The following ENDOV variants were observed in gnomAD, a reference collection of about 807,000 sequenced individuals.
ENDOV encodes the protein endonuclease V, also known as hEndoV.
ENDOV carries 37 observed loss-of-function variants against 39.4 expected under a neutral mutation model. The observed-to-expected ratio is 0.94, with a 90% CI of 0.72 to 1.23. The LOEUF (loss-of-function observed/expected upper bound fraction) is 1.23. Ranked by LOEUF, ENDOV falls within the 50% of genes most tolerant of loss-of-function variation. The pLI, the probability that ENDOV is intolerant of heterozygous loss-of-function variation, is 0.00. For synonymous variants in ENDOV, 186 were observed against 163.4 expected, an observed-to-expected ratio of 1.14 and a Z score of -1.05; for missense variants, 441 against 375.7, an observed-to-expected ratio of 1.17 and a Z score of -1.44.
chr17:80,423,577 C>T lies in ENDOV; in HGVS notation c.461C>T (p.Ala154Val). Residue 154 changes from alanine (A) to valine (V), a missense_variant, in exon 5 of 10, where the codon GCC (alanine) becomes GTC (valine). Ala to Val is a moderately conservative substitution (Grantham distance 64). Coordinates refer to ENST00000518137, the MANE Select transcript of ENDOV (RefSeq NM_173627.5). ...VLTDLPCVGV[A>V]KKLLQVDGLE... Reference sequence around the variant, plus strand: ...ACAGACCTGCCGTGTGTTGGGGTGGCCAAGAAACTTCTGCAGGTGGATGGG... The same window carrying T: ...ACAGACCTGCCGTGTGTTGGGGTGGTCAAGAAACTTCTGCAGGTGGATGGG... The T allele has an allele frequency of 6.5e-7, 1 of 1,534,900 alleles. No individual in the cohort carries two copies. The highest frequency in any genetic ancestry group is 1.4e-5 in the African/African-American group (1 of 72,644).
intron 9 of ENDOV, 103 bp from the exon 10 acceptor site, chr17:80,436,030 C>A: frequency 3.8e-6 from 5 of 1,321,072 alleles, no homozygotes; most frequent in Admixed American, 1.9e-5. Context: ...GCTGAGATTA[C>A]AGGCGCGAGC....
chr17:80,421,642 A>G (rs989436004), intron 2 of ENDOV, among the ~76,000 whole-genome samples, 186 bp from the exon 3 acceptor site: 1 of 152,008 alleles, frequency 6.6e-6, no homozygotes, highest in Admixed American at 6.5e-5. Flanking sequence ...CCCACCACCA[A>G]TTTGCAGGGT....
rs41298676 is a variant in ENDOV, at chr17:80,419,815, A to G, written c.229-2013A>G. ...CAGGAACTTGGATGTGGTCTACCCAAGTCCCTAGACCTAACTGTCACCCAC... is the reference window on the plus strand; with the variant it reads ...CAGGAACTTGGATGTGGTCTACCCAGGTCCCTAGACCTAACTGTCACCCAC... On this transcript the variant is annotated intron_variant, in intron 2 of 9. Coordinates refer to ENST00000518137, the MANE Select transcript of ENDOV (RefSeq NM_173627.5). 11,955 of 640,908 alleles carry G rather than the reference A, an allele frequency of 0.019. 999 individuals carry two copies. In the African/African-American group the frequency reaches 0.19, roughly 10 times the overall value. 39.7% of individuals were successfully genotyped at this position (640,908 alleles called of 1,614,324 possible). A position where few individuals can be genotyped will look rare whatever the true frequency, so the allele number is the denominator to read the frequency against.
intron 4 of ENDOV, 28 bp from the exon 5 acceptor site, chr17:80,423,492 C>CA: frequency 8.5e-6 from 13 of 1,522,884 alleles, no homozygotes; most frequent in Non-Finnish European, 9.8e-6. Flanking sequence ...CCCACCTCCC[C>CA]AACCCCACCC....
intron 5 of ENDOV, chr17:80,424,111 T>G: frequency 2.5e-6 from 1 of 394,458 alleles, no homozygotes. Flanking sequence ...ATCTTCCTCC[T>G]CTGGGACCCC....
chr17:80,423,911 T>G, intron 5 of ENDOV: 1 of 474,416 alleles, frequency 2.1e-6, no homozygotes, highest in Non-Finnish European at 3.7e-6. Flanking sequence ...TAGGGCTAAG[T>G]CCTCCAGTTA....
intron 8 of ENDOV, among the ~76,000 whole-genome samples, chr17:80,429,460 A>G (rs2083138646): frequency 6.6e-6 from 1 of 152,126 alleles, no homozygotes; most frequent in Non-Finnish European, 1.5e-5. Context: ...ACGATTAGTT[A>G]CTGAAGGGCT....
At chr17:80,419,277 G>T in intron 2 of ENDOV, 1 of 345,440 alleles carries the variant, frequency 2.9e-6, no homozygotes, top group Non-Finnish European at 5.3e-6. Context: ...AAGCTTTCCT[G>T]TGATTCTGAA....
At chr17:80,427,248 G>A (rs62068441) in intron 7 of ENDOV, among the ~76,000 whole-genome samples, 9,720 of 152,262 alleles carry the variant, frequency 0.064, 426 homozygotes, top group Non-Finnish European at 0.1. Flanking sequence ...CAACTCAGCC[G>A]TGTGGTCTTC....
chr17:80,427,897 A>G (rs536743654), intron 7 of ENDOV: 1 of 1,224,814 alleles, frequency 8.2e-7, no homozygotes, highest in African/African-American at 1.6e-5. Flanking sequence ...TCCCCCATGA[A>G]TGGAAGCAGG....
chr17:80,415,804 A>G lies in ENDOV; in HGVS notation c.211A>G (p.Ser71Gly). The stretch of plus-strand genomic sequence containing the variant: ...CGCTTGTGCTTCCCTGGTGGTGCTC[A>G]GCTTCCCTGAGCTCGAGGTAACCTG... Reference protein sequence around the residue: ...VRACASLVVLSFPELEVVYEE... With the variant: ...VRACASLVVLGFPELEVVYEE... The change falls in exon 2 of 10, where the codon AGC becomes GGC. Residue 71 changes from serine (S) to glycine (G), a missense_variant. Coordinates refer to ENST00000518137, the MANE Select transcript of ENDOV (RefSeq NM_173627.5). 1 of 1,596,452 alleles carries G rather than the reference A, an allele frequency of 6.3e-7. No individual in the cohort carries two copies. Among genetic ancestry groups the G allele is most frequent in the Non-Finnish European group, 8.5e-7 (1 of 1,171,680 alleles).
intron 6 of ENDOV, among the ~76,000 whole-genome samples, 180 bp downstream of exon 6, chr17:80,425,280 C>T (rs1200082889): frequency 6.6e-6 from 1 of 152,144 alleles, no homozygotes; most frequent in Non-Finnish European, 1.5e-5. Flanking sequence ...TGTTTCTTTC[C>T]TCCAGCCGTG....
intron 1 of ENDOV, 135 bp downstream of exon 1, chr17:80,415,385 C>G: frequency 2.5e-6 from 3 of 1,184,904 alleles, no homozygotes; most frequent in Non-Finnish European, 3.5e-6. Flanking sequence ...AGCCCAGTTT[C>G]CGGCGCGGAA....
At chr17:80,415,311 C>T (rs2080933337) in intron 1 of ENDOV, 61 bp downstream of exon 1, 2 of 1,576,344 alleles carry the variant, frequency 1.3e-6, no homozygotes, top group Non-Finnish European at 1.7e-6. Context: ...CTTCGCGGAC[C>T]CTCCGAGCTC....
rs1019870870 is a variant in ENDOV, at chr17:80,425,396, C to A, written c.586-96C>A. ...TGCCCCTTCAGCTTCCCCCTTGCCCCCAGGACATTTTGTCAGAGCTCCAGC... is the reference window on the plus strand; with the variant it reads ...TGCCCCTTCAGCTTCCCCCTTGCCCACAGGACATTTTGTCAGAGCTCCAGC... On this transcript the variant is annotated intron_variant, in intron 6 of 9. Transcript: ENST00000518137. The A allele has an allele frequency of 2.7e-6, 4 of 1,496,032 alleles. No homozygotes were observed. The African/African-American group carries it at 5.6e-5, about 21-fold the overall frequency. 92.7% of individuals were successfully genotyped at this position (1,496,032 alleles called of 1,614,324 possible).
Position 80,437,843 on chromosome 17 carries a change from A to C in ENDOV, c.*1700A>C, listed in dbSNP as rs2083641554. The C allele has an allele frequency of 6.6e-6, 1 of 152,196 alleles. No individual in the cohort carries two copies. The highest frequency in any genetic ancestry group is 2.4e-5 in the African/African-American group (1 of 41,430). 9.4% of individuals were successfully genotyped at this position (152,196 alleles called of 1,614,324 possible). A position where few individuals can be genotyped will look rare whatever the true frequency, so the allele number is the denominator to read the frequency against. On this transcript the variant is annotated 3_prime_UTR_variant, in exon 10 of 10. Transcript: ENST00000518137. Reference sequence around the variant, plus strand: ...CAAGGTTAGCGATTATGCTTCTGTAATCTGTAACCAGAAGTGCTCTTATGC... The same window carrying C: ...CAAGGTTAGCGATTATGCTTCTGTACTCTGTAACCAGAAGTGCTCTTATGC...
chr17:80,421,984 C>G (rs187761508), intron 3 of ENDOV, 22 bp downstream of exon 3: 24 of 1,604,832 alleles, frequency 1.5e-5, no homozygotes, highest in Non-Finnish European at 1.9e-5. Flanking sequence ...ATCCCTAGGA[C>G]GAGAGAAAGG....
chr17:80,421,887 G>A lies in ENDOV; in HGVS notation c.288G>A (p.Leu96=). 1 of 1,609,220 alleles carries A rather than the reference G, an allele frequency of 6.2e-7. No individual in the cohort carries two copies. Among genetic ancestry groups the A allele is most frequent in the Non-Finnish European group, 8.5e-7 (1 of 1,178,428 alleles). ...SLTAPYVSGF[L]AFREVPFLLE... is the part of the protein sequence containing the mutation. ...CAGCCCCCTACGTGTCGGGCTTCCT[G>A]GCCTTCCGAGAGGTGCCCTTCTTGC... Residue 96 remains leucine, a synonymous_variant, in exon 3 of 10, where the codon CTG becomes CTA. Coordinates refer to ENST00000518137, the MANE Select transcript of ENDOV (RefSeq NM_173627.5).
rs777475030 is a variant in ENDOV at position 80,436,196 on chromosome 17, TGAG to T, written c.*54_*56del. ...TCTCATTCCTGATCGAACGCGGTGG[TGAG>T]AGCACACGTCCTCGTCTCGTTCCTG... On this transcript the variant is annotated 3_prime_UTR_variant, in exon 10 of 10. Coordinates refer to ENST00000518137, the MANE Select transcript of ENDOV (RefSeq NM_173627.5). The T allele has an allele frequency of 1.0e-5, 16 of 1,589,352 alleles. No homozygotes were observed. Among genetic ancestry groups the T allele is most frequent in the Non-Finnish European group, 1.4e-5 (16 of 1,169,242 alleles).
Sources: gnomAD v4.1 joint callset for allele counts (sites outside exome capture counted in the v4.1 genomes callset) on GRCh38, gnomAD v4.1.1 for gene constraint, MANE v1.5 for transcripts, NCBI Gene and HGNC (gene_info 2026-07-23, HGNC 2026-07-21) for gene names.